ATOSB: variants seen among roughly 807,000 people sequenced by gnomAD.
The protein encoded by ATOSB is atos homolog protein B.
At chr9:35,107,533 C>T in the ATOSB span, 1 of 1,598,996 alleles carries the variant, frequency 6.3e-7, no homozygotes, top group Non-Finnish European at 8.5e-7. Flanking sequence ...GGGGCTTCTC[C>T]AGCAGGAAGC....
chr9:35,105,434 G>A, the ATOSB span: 9 of 1,551,242 alleles, frequency 5.8e-6, no homozygotes, highest in African/African-American at 5.4e-5. The surrounding 1 kb of genome is among the most constrained non-coding windows in gnomAD (Gnocchi z 5.5). Context: ...GCTCATGCCT[G>A]TAATTCCAGT....
chr9:35,108,341 T>C, the ATOSB span: 2 of 1,463,814 alleles, frequency 1.4e-6, no homozygotes, highest in South Asian at 2.7e-5. Flanking sequence ...CTGGGGGGCC[T>C]GGGGACATCT....
At chr9:35,106,059 G>C in the ATOSB span, 1 of 1,576,872 alleles carries the variant, frequency 6.3e-7, no homozygotes, top group African/African-American at 1.4e-5. The surrounding 1 kb of genome is among the most constrained non-coding windows in gnomAD (Gnocchi z 4.6). Context: ...GAAAACCCTG[G>C]GCCCTAAACA....
At chr9:35,110,622 G>A in the ATOSB span, 1 of 152,464 alleles carries the variant, frequency 6.6e-6, no homozygotes, top group East Asian at 1.9e-4. Flanking sequence ...TTCAGGGGGT[G>A]GGCAGCAGCT....
the ATOSB span, chr9:35,106,601 G>T: frequency 1.3e-6 from 2 of 1,563,990 alleles, no homozygotes; most frequent in African/African-American, 2.7e-5. The surrounding 1 kb of genome is among the most constrained non-coding windows in gnomAD (Gnocchi z 4.6). Flanking sequence ...CACTGGGGGG[G>T]CTCAGCAGGC....
the ATOSB span, among the ~76,000 whole-genome samples, chr9:35,112,604 C>T: frequency 2.0e-5 from 3 of 152,200 alleles, no homozygotes; most frequent in Non-Finnish European, 2.9e-5. Context: ...CATTCAAAGA[C>T]ACTTTCTAGA....
At chr9:35,111,532 T>TCCGCG in the ATOSB span, 1 of 151,358 alleles carries the variant, frequency 6.6e-6, no homozygotes. Context: ...CCGCCCCGGC[T>TCCGCG]CCGCGCCGCC....
chr9:35,105,092 T>G, the ATOSB span: 4 of 1,013,006 alleles, frequency 3.9e-6, no homozygotes, highest in Non-Finnish European at 5.6e-6. This position sits in a 1 kb window ranked among gnomAD's most constrained non-coding sequence, Gnocchi z 5.5. Context: ...AAATAATCCA[T>G]TTGGGCGTGA....
the ATOSB span, chr9:35,106,857 A>G: frequency 1.1e-4 from 172 of 1,572,876 alleles, 1 homozygote; most frequent in Non-Finnish European, 2.6e-6. The surrounding 1 kb of genome is among the most constrained non-coding windows in gnomAD (Gnocchi z 4.6). Flanking sequence ...GGCTCCTTTC[A>G]GCCTCCGCCC....
At chr9:35,107,390 C>T in the ATOSB span, 3 of 1,612,398 alleles carry the variant, frequency 1.9e-6, no homozygotes, top group Non-Finnish European at 8.5e-7. Flanking sequence ...CCAAAACAGG[C>T]TCTTTGGGCC....
At chr9:35,108,412 G>A in the ATOSB span, 1 of 1,408,266 alleles carries the variant, frequency 7.1e-7, no homozygotes, top group Non-Finnish European at 9.2e-7. Context: ...CCTTCCAGCT[G>A]AGTTTCAGAC....
chr9:35,108,281 C>A, the ATOSB span: 3 of 1,536,810 alleles, frequency 2.0e-6, no homozygotes, highest in South Asian at 2.4e-5. Context: ...GCATGAAGCC[C>A]CCCTTGGGTC....
chr9:35,108,329 G>C, the ATOSB span: 2 of 1,482,594 alleles, frequency 1.3e-6, no homozygotes, highest in South Asian at 1.3e-5. Flanking sequence ...GCTGGGCCTG[G>C]GCTGGGGGGC....
chr9:35,104,551 C>G, the ATOSB span: 1 of 321,194 alleles, frequency 3.1e-6, no homozygotes, highest in Non-Finnish European at 6.8e-6. Context: ...CATGCACACT[C>G]ACACACACAT....
chr9:35,108,391 T>C, the ATOSB span: 1 of 1,416,818 alleles, frequency 7.1e-7, no homozygotes. Flanking sequence ...GGGGAATCAA[T>C]GAGTCTTCTT....
chr9:35,105,508 A>G, the ATOSB span: 1 of 1,171,548 alleles, frequency 8.5e-7, no homozygotes, highest in East Asian at 2.5e-5. The surrounding 1 kb of genome is among the most constrained non-coding windows in gnomAD (Gnocchi z 5.5). Context: ...CCTAAGCAAC[A>G]TAGCGAGACC....
At chr9:35,108,334 G>A in the ATOSB span, 2 of 1,470,024 alleles carry the variant, frequency 1.4e-6, no homozygotes, top group Non-Finnish European at 1.8e-6. Context: ...GCCTGGGCTG[G>A]GGGGCCTGGG....
At chr9:35,107,662 C>G in the ATOSB span, 1 of 1,608,330 alleles carries the variant, frequency 6.2e-7, no homozygotes. Context: ...CCATTGCCCA[C>G]CCCAGCCACT....
the ATOSB span, chr9:35,107,479 G>T: frequency 6.2e-7 from 1 of 1,610,340 alleles, no homozygotes; most frequent in South Asian, 1.1e-5. Context: ...AGGGATCCCC[G>T]GCGCCTCCGA....
Sources: allele counts gnomAD v4.1 joint callset (sites outside exome capture counted in the v4.1 genomes callset), GRCh38; gene constraint gnomAD v4.1.1; non-coding constraint Gnocchi (gnomAD v3.1); transcripts MANE v1.5; gene names NCBI Gene and HGNC (gene_info 2026-07-23, HGNC 2026-07-21).